MGARP: variants seen among roughly 807,000 people sequenced by gnomAD.
MGARP encodes the protein mitochondria localized glutamic acid rich protein.
MGARP carries 12 observed loss-of-function variants against 11.0 expected under a neutral mutation model. The observed-to-expected ratio is 1.09, with a 90% CI of 0.70 to 1.77. The LOEUF is 1.77. MGARP is among the 40% of genes most tolerant of loss of function. The pLI is 0.00. For synonymous variants in MGARP, 110 were observed against 115.4 expected (o/e 0.95, Z 0.30); for missense variants, 283 against 297.8 (o/e 0.95, Z 0.36).
chr4:139,269,646 A>AG (rs1744749213), intron 2 of MGARP, among the ~76,000 whole-genome samples: 1 of 151,446 alleles, frequency 6.6e-6, no homozygotes, highest in East Asian at 1.9e-4. Flanking sequence ...AAAAAAAAAA[A>AG]AGAAAAAAGA....
At chr4:139,272,682 A>C (rs74567357) in intron 2 of MGARP, among the ~76,000 whole-genome samples, 1 of 132,036 alleles carries the variant, frequency 7.6e-6, no homozygotes, top group East Asian at 2.1e-4. Context: ...CTTTATTCAT[A>C]TTTCTTTTTT....
intron 1 of MGARP, among the ~76,000 whole-genome samples, chr4:139,277,297 C>T (rs894831414): frequency 6.6e-6 from 1 of 152,114 alleles, no homozygotes; most frequent in African/African-American, 2.4e-5. Flanking sequence ...ACAACGATTT[C>T]CTGTTTATGT....
intron 2 of MGARP, among the ~76,000 whole-genome samples, chr4:139,270,623 A>AAAAG (rs1553988392): frequency 6.6e-6 from 1 of 151,230 alleles, no homozygotes; most frequent in African/African-American, 2.4e-5. Flanking sequence ...AAAAAAAAAA[A>AAAAG]AAAAGAAAAG....
Position 139,266,385 on chromosome 4 carries a change from A to G in MGARP, c.*214T>C. 1 of 549,908 alleles carries G rather than the reference A, an allele frequency of 1.8e-6. No individual in the cohort carries two copies. The highest frequency in any genetic ancestry group is 2.5e-5 in the South Asian group (1 of 39,346). The allele number at this position is 549,908 out of a possible 1,614,324, so 34.1% of individuals were successfully genotyped here. A position where few individuals can be genotyped will look rare whatever the true frequency, so the allele number is the denominator to read the frequency against. On this transcript the variant is annotated 3_prime_UTR_variant, in exon 4 of 4. Coordinates refer to ENST00000398955, the MANE Select transcript of MGARP (RefSeq NM_032623.4). Reference sequence around the variant, plus strand: ...TTTAAGCTCTTTACTGCAATGTCATATTCTGATCTCAGACAGTAGAAGAGT... The same window carrying G: ...TTTAAGCTCTTTACTGCAATGTCATGTTCTGATCTCAGACAGTAGAAGAGT...
intron 2 of MGARP, among the ~76,000 whole-genome samples, chr4:139,270,481 C>A (rs1239656391): frequency 2.8e-5 from 4 of 142,628 alleles, no homozygotes; most frequent in Admixed American, 2.8e-4. Context: ...TGGTGGCGGG[C>A]GCCTGTAGTC....
Position 139,266,502 on chromosome 4 carries a change from TAA to T in MGARP, c.*95_*96del. 8.4e-7 allele frequency: 1 copy of T among 1,195,910 alleles called. No individual in the cohort carries two copies. The highest frequency in any genetic ancestry group is 1.1e-6 in the Non-Finnish European group (1 of 877,752). 74.1% of individuals were successfully genotyped at this position (1,195,910 alleles called of 1,614,324 possible). A position where few individuals can be genotyped will look rare whatever the true frequency, so the allele number is the denominator to read the frequency against. On this transcript the variant is annotated 3_prime_UTR_variant, in exon 4 of 4. Coordinates refer to ENST00000398955, the MANE Select transcript of MGARP (RefSeq NM_032623.4). ...AGACCCATTAACGTTTTCTAGAAAATAAGTCTTTTTTTTTTTAAACTAAGTGT... is the reference window on the plus strand; with the variant it reads ...AGACCCATTAACGTTTTCTAGAAAATGTCTTTTTTTTTTTAAACTAAGTGT...
In MGARP at chr4:139,266,529, T is replaced by G; in HGVS notation, c.*70A>C. ...AGTCTTTTTTTTTTTAAACTAAGTG[T>G]ACTAAAAACACAAAAGCACTTATCA... On this transcript the variant is annotated 3_prime_UTR_variant, in exon 4 of 4. Coordinates refer to ENST00000398955, the MANE Select transcript of MGARP (RefSeq NM_032623.4). The G allele has an allele frequency of 7.5e-7, 1 of 1,340,390 alleles. No individual in the cohort carries two copies. Among genetic ancestry groups the G allele is most frequent in the Non-Finnish European group, 1.0e-6 (1 of 992,284 alleles). The allele number at this position is 1,340,390 out of a possible 1,614,324, so 83.0% of individuals were successfully genotyped here.
chr4:139,279,957 C>A, intron 1 of MGARP, 120 bp downstream of exon 1: 1 of 1,024,474 alleles, frequency 9.8e-7, no homozygotes, highest in Non-Finnish European at 1.5e-6. Context: ...GACCTCCAAT[C>A]CAGGCTTCTG....
chr4:139,280,174 C>T lies in MGARP; in HGVS notation c.-16G>A. The T allele has an allele frequency of 6.2e-7, 1 of 1,603,240 alleles. No homozygotes were observed. The highest frequency in any genetic ancestry group is 1.7e-5 in the Admixed American group (1 of 59,296). ...GGAGATACATCGCGCCCGCTGTCCG[C>T]CGCGCAGCAGCCTCGGTACCCAGGC... On this transcript the variant is annotated 5_prime_UTR_variant, in exon 1 of 4. Transcript: ENST00000398955.
At chr4:139,270,029 C>T (rs1372111605) in intron 2 of MGARP, among the ~76,000 whole-genome samples, 1 of 152,090 alleles carries the variant, frequency 6.6e-6, no homozygotes, top group Non-Finnish European at 1.5e-5. Flanking sequence ...GGGCCGGGTG[C>T]AATGGTCCAC....
At chr4:139,271,399 G>A (rs1195493882) in intron 2 of MGARP, among the ~76,000 whole-genome samples, 7 of 152,022 alleles carry the variant, frequency 4.6e-5, no homozygotes, top group East Asian at 1.9e-4. Flanking sequence ...GGTGGCAGGC[G>A]CCTGTAATCC....
At chr4:139,274,670 A>G (rs1744840768) in intron 2 of MGARP, among the ~76,000 whole-genome samples, 1 of 151,952 alleles carries the variant, frequency 6.6e-6, no homozygotes, top group Non-Finnish European at 1.5e-5. Context: ...TTTAGTAGAG[A>G]TGGGGTTTCC....
chr4:139,280,190 G>T lies in MGARP; in HGVS notation c.-32C>A. The T allele has an allele frequency of 6.3e-7, 1 of 1,589,080 alleles. No homozygotes were observed. Among genetic ancestry groups the T allele is most frequent in the Admixed American group, 1.7e-5 (1 of 57,660 alleles). On this transcript the variant is annotated 5_prime_UTR_variant, in exon 1 of 4. Transcript: ENST00000398955. ...CGCTGTCCGCCGCGCAGCAGCCTCG[G>T]TACCCAGGCGCAGGCTGCCCTTCCA...
intron 2 of MGARP, among the ~76,000 whole-genome samples, chr4:139,269,208 T>G (rs1400398094): frequency 6.6e-6 from 1 of 151,938 alleles, no homozygotes; most frequent in Admixed American, 6.6e-5. Flanking sequence ...TGAATTATGC[T>G]ACAACCAGAA....
intron 1 of MGARP, among the ~76,000 whole-genome samples, chr4:139,276,121 C>T (rs563548538): frequency 2.2e-4 from 33 of 152,166 alleles, no homozygotes; most frequent in South Asian, 8.3e-4. Flanking sequence ...AACTTAAAGT[C>T]GGAAGGAGCT....
intron 2 of MGARP, among the ~76,000 whole-genome samples, chr4:139,270,332 A>G (rs1744759874): frequency 6.7e-6 from 1 of 149,702 alleles, no homozygotes. Flanking sequence ...AGAAAAGAAA[A>G]GAAAATCTGG....
chr4:139,276,102 TTTACAATAAAC>T (rs2110733702), intron 1 of MGARP, among the ~76,000 whole-genome samples: 1 of 152,330 alleles, frequency 6.6e-6, no homozygotes, highest in East Asian at 1.9e-4. Context: ...AATTGAAATT[TTTACAATAAAC>T]TTAAAGTCGG....
At chr4:139,275,563 C>G (rs1744854204) in intron 1 of MGARP, among the ~76,000 whole-genome samples, 171 bp from the exon 2 acceptor site, 1 of 152,186 alleles carries the variant, frequency 6.6e-6, no homozygotes. Flanking sequence ...TTCCACTTGA[C>G]AGTCTCCCAA....
chr4:139,269,293 C>T (rs1028617890), intron 2 of MGARP, among the ~76,000 whole-genome samples: 9 of 152,118 alleles, frequency 5.9e-5, no homozygotes, highest in African/African-American at 1.9e-4. Flanking sequence ...ACATGAAAAC[C>T]TGTACACAAA....
Sources: gnomAD v4.1 joint callset for allele counts (sites outside exome capture counted in the v4.1 genomes callset) on GRCh38, gnomAD v4.1.1 for gene constraint, MANE v1.5 for transcripts, NCBI Gene and HGNC (gene_info 2026-07-23, HGNC 2026-07-21) for gene names.